INPP5A: variants seen among roughly 807,000 people sequenced by gnomAD.
INPP5A encodes the protein inositol polyphosphate-5-phosphatase A, also known as 43 kDa inositol polyphosphate 5-phophatase.
INPP5A carries 14 observed loss-of-function variants against 65.2 expected under a neutral mutation model. That is an observed-to-expected ratio of 0.21 (90% CI 0.14 to 0.34). INPP5A has a LOEUF of 0.34. INPP5A is among the 10% of genes least tolerant of loss of function. The pLI is 1.00. For synonymous variants in INPP5A, 207 were observed against 208.3 expected (o/e 0.99, Z 0.05); for missense variants, 431 against 545.6 (o/e 0.79, Z 2.09).
chr10:132,769,800 T>TCC (rs538823373), intron 12 of INPP5A, among the ~76,000 whole-genome samples: 127 of 104,978 alleles, frequency 1.2e-3, no homozygotes, highest in African/African-American at 4.3e-3. Context: ...ACCCCGTAGC[T>TCC]CCCCCCCCCC....
chr10:132,669,669 A>T (rs1190487269), intron 4 of INPP5A, among the ~76,000 whole-genome samples: 1 of 152,154 alleles, frequency 6.6e-6, no homozygotes, highest in African/African-American at 2.4e-5. Context: ...AGCTTGGAGG[A>T]TGTGGGGCCT....
At chr10:132,604,710 T>C (rs1403066020) in intron 1 of INPP5A, among the ~76,000 whole-genome samples, 1 of 152,252 alleles carries the variant, frequency 6.6e-6, no homozygotes. Context: ...GCCTCACTGC[T>C]CAGGATGGAA....
intron 4 of INPP5A, among the ~76,000 whole-genome samples, chr10:132,657,102 G>T (rs929083355): frequency 6.6e-5 from 10 of 152,222 alleles, no homozygotes; most frequent in Non-Finnish European, 1.2e-4. Context: ...GGCTGCCTCA[G>T]CCAGGATGGC....
At chr10:132,604,384 CGCTT>C (rs1309944857) in intron 1 of INPP5A, among the ~76,000 whole-genome samples, 3 of 152,184 alleles carry the variant, frequency 2.0e-5, no homozygotes, top group Admixed American at 2.0e-4. Flanking sequence ...CCCTCTCTGA[CGCTT>C]GCCCTGCAAA....
At chr10:132,746,307 G>T (rs1287783363) in intron 9 of INPP5A, among the ~76,000 whole-genome samples, 1 of 152,206 alleles carries the variant, frequency 6.6e-6, no homozygotes, top group Non-Finnish European at 1.5e-5. Context: ...GGCTGACAGG[G>T]TCTGAGAGGA....
intron 8 of INPP5A, among the ~76,000 whole-genome samples, chr10:132,716,118 G>A (rs543096446): frequency 2.0e-5 from 3 of 152,330 alleles, no homozygotes; most frequent in Admixed American, 6.5e-5. Context: ...AGGTGGTGCC[G>A]CTATGCAGAT....
At chr10:132,617,371 C>T (rs902735676) in intron 2 of INPP5A, among the ~76,000 whole-genome samples, 1 of 152,206 alleles carries the variant, frequency 6.6e-6, no homozygotes, top group African/African-American at 2.4e-5. Flanking sequence ...AAGAAGCTTT[C>T]CCTCCGGTGA....
chr10:132,554,701 G>A (rs2071102476), intron 1 of INPP5A, among the ~76,000 whole-genome samples: 1 of 151,388 alleles, frequency 6.6e-6, no homozygotes. Flanking sequence ...GATTGCTGTG[G>A]TTGGTGTGAT....
chr10:132,690,809 G>A (rs890225869), intron 5 of INPP5A, among the ~76,000 whole-genome samples: 2 of 152,222 alleles, frequency 1.3e-5, no homozygotes, highest in Non-Finnish European at 2.9e-5. Flanking sequence ...CCTCCCTGCC[G>A]TGAACAGCAT....
At chr10:132,614,091 G>A (rs2071997211) in intron 2 of INPP5A, among the ~76,000 whole-genome samples, 2 of 152,182 alleles carry the variant, frequency 1.3e-5, no homozygotes, top group Admixed American at 1.3e-4. Flanking sequence ...GACGCCTTTG[G>A]GACCCACGGC....
intron 12 of INPP5A, among the ~76,000 whole-genome samples, chr10:132,766,501 G>A (rs890297093): frequency 4.6e-5 from 7 of 151,968 alleles, no homozygotes; most frequent in South Asian, 2.1e-4. Flanking sequence ...GTGGGTGTCC[G>A]TGTGTGTGCA....
chr10:132,559,790 T>C (rs2071177985), intron 1 of INPP5A, among the ~76,000 whole-genome samples: 1 of 152,092 alleles, frequency 6.6e-6, no homozygotes, highest in South Asian at 2.1e-4. Context: ...TTCCAGGGAC[T>C]CCACTTACTC....
At chr10:132,761,554 T>C (rs1305401449) in intron 11 of INPP5A, among the ~76,000 whole-genome samples, 1 of 145,998 alleles carries the variant, frequency 6.8e-6, no homozygotes, top group Non-Finnish European at 1.5e-5. Context: ...TTGCTGAGGA[T>C]GGCATGGCTG....
chr10:132,755,157 G>A (rs949831338), intron 11 of INPP5A, among the ~76,000 whole-genome samples: 2 of 152,038 alleles, frequency 1.3e-5, no homozygotes, highest in African/African-American at 4.8e-5. Context: ...GCAAGCATAT[G>A]CATATGAGCG....
rs1459873979 is a variant in INPP5A at position 132,758,357 on chromosome 10, G to A, written c.904-7416G>A. Among the ~76,000 whole-genome samples, 3 of 134,920 alleles carry A rather than the reference G, an allele frequency of 2.2e-5. 1 individual carries two copies. Among genetic ancestry groups the A allele is most frequent in the Non-Finnish European group, 4.8e-5 (3 of 61,972 alleles). 88.5% of individuals were successfully genotyped at this position (134,920 alleles called of 152,430 possible). ...GCCCGGCACCATGGCGTGGGTCCCC[G>A]GCCGACCCCACAGGCCAGTGCAATG... On this transcript the variant is annotated intron_variant, in intron 11 of 15. Transcript: ENST00000368594.
chr10:132,756,293 CTAGTG>C (rs1846612130), intron 11 of INPP5A, among the ~76,000 whole-genome samples: 1 of 151,632 alleles, frequency 6.6e-6, no homozygotes, highest in Non-Finnish European at 1.5e-5. Flanking sequence ...TGCATGTGCA[CTAGTG>C]TGTGTGGTGT....
chr10:132,596,434 GTTTTT>G (rs796621283), intron 1 of INPP5A, among the ~76,000 whole-genome samples: 1 of 142,780 alleles, frequency 7.0e-6, no homozygotes, highest in Non-Finnish European at 1.5e-5. Flanking sequence ...GTTTTGTTTT[GTTTTT>G]TTTTTTTGAG....
In INPP5A at chr10:132,591,048, A is replaced by G. The variant is rs567902213; in HGVS notation, c.76-16867A>G. On this transcript the variant is annotated intron_variant, in intron 1 of 15. Coordinates refer to ENST00000368594, the MANE Select transcript of INPP5A (RefSeq NM_005539.5). ...CCAGCTTGGCGGGAGGAGGCTCCTC[A>G]TGTATGACGCCATTTGGGGATCTTC... is the stretch of plus-strand genomic sequence containing the variant. 5.9e-5 allele frequency among the ~76,000 whole-genome samples: 9 copies of G among 152,310 alleles called. No individual in the cohort carries two copies. In the South Asian group the frequency reaches 1.9e-3, roughly 32 times the overall value.
chr10:132,762,185 G>A lies in INPP5A; in HGVS notation c.904-3588G>A, dbSNP rs956346896. Among the ~76,000 whole-genome samples, 30 of 152,184 alleles carry A rather than the reference G, an allele frequency of 2.0e-4. 1 individual carries two copies. The highest frequency in any genetic ancestry group is 5.3e-4 in the African/African-American group (22 of 41,428). On this transcript the variant is annotated intron_variant, in intron 11 of 15. Coordinates refer to ENST00000368594, the MANE Select transcript of INPP5A (RefSeq NM_005539.5). This position sits in a 1 kb window ranked among gnomAD's most constrained non-coding sequence, Gnocchi z 4.6. The stretch of plus-strand genomic sequence containing the variant: ...CAGCGCTTGCGCAGTGAGGGTCCAC[G>A]AGGGGCACACTGGAGAGTCAATGGC...
Sources: gnomAD v4.1 joint callset for allele counts (sites outside exome capture counted in the v4.1 genomes callset) on GRCh38, gnomAD v4.1.1 for gene constraint, Gnocchi (gnomAD v3.1) non-coding constraint, MANE v1.5 for transcripts, NCBI Gene and HGNC (gene_info 2026-07-23, HGNC 2026-07-21) for gene names.